The following STK32B variants were observed in gnomAD, a reference collection of about 807,000 sequenced individuals.
The protein encoded by STK32B is serine/threonine kinase 32B.
In STK32B, 43 loss-of-function variants were observed where a neutral mutation model predicts 52.6. That is an observed-to-expected ratio of 0.82 (90% CI 0.64 to 1.05). STK32B has a LOEUF of 1.05. Among genes scored for constraint, STK32B ranks in the 50% least tolerant of loss-of-function variants. The probability of loss-of-function intolerance (pLI) is 0.00; values close to 1 mark genes in which losing one functional copy is unlikely to be tolerated. For synonymous variants in STK32B, 238 were observed against 204.3 expected, an observed-to-expected ratio of 1.17 and a Z score of -1.41; for missense variants, 621 against 534.6, an observed-to-expected ratio of 1.16 and a Z score of -1.59.
intron 3 of STK32B, among the ~76,000 whole-genome samples, chr4:5,195,463 C>T (rs1469966677): frequency 6.6e-6 from 1 of 152,148 alleles, no homozygotes; most frequent in Non-Finnish European, 1.5e-5. Flanking sequence ...GAGGCCAAGG[C>T]AGGCAGATCA....
chr4:5,262,737 C>T (rs1726804392), intron 3 of STK32B, among the ~76,000 whole-genome samples: 1 of 152,040 alleles, frequency 6.6e-6, no homozygotes, highest in Admixed American at 6.6e-5. Context: ...AATGTGATCT[C>T]ATTTTCATAT....
At chr4:5,072,538 C>T (rs1449036911) in intron 1 of STK32B, among the ~76,000 whole-genome samples, 1 of 152,138 alleles carries the variant, frequency 6.6e-6, no homozygotes, top group African/African-American at 2.4e-5. Context: ...CACCAAGACA[C>T]TGAGAAATCT....
intron 6 of STK32B, among the ~76,000 whole-genome samples, chr4:5,440,898 G>C (rs1053830048): frequency 6.6e-6 from 1 of 151,214 alleles, no homozygotes; most frequent in African/African-American, 2.4e-5. Context: ...TTTATATGCT[G>C]GATTACATTT....
chr4:5,311,914 A>ATATATATATTTT (rs143725868), intron 3 of STK32B, among the ~76,000 whole-genome samples: 7 of 145,410 alleles, frequency 4.8e-5, no homozygotes, highest in African/African-American at 1.8e-4. Context: ...ATATATATAT[A>ATATATATATTTT]TTTTTTTTTA....
Position 5,499,105 on chromosome 4 carries a change from A to C in STK32B, c.*22A>C, listed in dbSNP as rs755435274. ...CTGAGCCCACACTTGTTGCTGCTCAACAGGACTGCACTCGTCTCTGCCCTG... is the reference window on the plus strand; with the variant it reads ...CTGAGCCCACACTTGTTGCTGCTCACCAGGACTGCACTCGTCTCTGCCCTG... On this transcript the variant is annotated 3_prime_UTR_variant, in exon 12 of 12. Coordinates refer to ENST00000282908, the MANE Select transcript of STK32B (RefSeq NM_018401.3). 6.3e-7 allele frequency: 1 copy of C among 1,596,440 alleles called. No homozygotes were observed. Among genetic ancestry groups the C allele is most frequent in the Non-Finnish European group, 8.5e-7 (1 of 1,169,812 alleles).
rs370890100 is a variant in STK32B at position 5,400,658 on chromosome 4, C to T, written c.472+2414C>T. On this transcript the variant is annotated intron_variant, in intron 5 of 11. Transcript: ENST00000282908. This position sits in a 1 kb window ranked among gnomAD's most constrained non-coding sequence, Gnocchi z 6.1. ...AAAGAAATTTAGGAGCAGGGAATTC[C>T]GCTCAGAAAAAGAAGAGTCTCCTTT... Among the ~76,000 whole-genome samples, 56 of 152,242 alleles carry T rather than the reference C, an allele frequency of 3.7e-4. No individual in the cohort carries two copies. The highest frequency in any genetic ancestry group is 1.1e-3 in the African/African-American group (45 of 41,542).
chr4:5,375,510 T>C (rs1327908728), intron 4 of STK32B, among the ~76,000 whole-genome samples: 1 of 151,936 alleles, frequency 6.6e-6, no homozygotes, highest in Non-Finnish European at 1.5e-5. Context: ...TTTCTATGAA[T>C]TTTTTTTCAG....
rs59614605 is a variant in STK32B at position 5,358,701 on chromosome 4, GCACACA to G, written c.434+27325_434+27330del. Among the ~76,000 whole-genome samples the G allele has an allele frequency of 1.0e-4, 11 of 106,810 alleles. No homozygotes were observed. The South Asian group carries it at 1.7e-3, about 16-fold the overall frequency. 70.1% of individuals were successfully genotyped at this position (106,810 alleles called of 152,430 possible). On this transcript the variant is annotated intron_variant, in intron 4 of 11. Coordinates refer to ENST00000282908, the MANE Select transcript of STK32B (RefSeq NM_018401.3). Reference sequence around the variant, plus strand: ...CATGCCAGGACACATTCACACACATGCACACACACACACACACACACAGGCACACAA... The same window carrying G: ...CATGCCAGGACACATTCACACACATGCACACACACACACACAGGCACACAA...
At position 5,378,245 on chromosome 4, in the gene STK32B, G is replaced by C. The variant is rs1735705414; in HGVS notation, c.435-19962G>C. 6.6e-6 allele frequency among the ~76,000 whole-genome samples: 1 copy of C among 152,188 alleles called. No individual in the cohort carries two copies. The highest frequency in any genetic ancestry group is 2.4e-5 in the African/African-American group (1 of 41,442). On this transcript the variant is annotated intron_variant, in intron 4 of 11. Transcript: ENST00000282908. This position sits in a 1 kb window ranked among gnomAD's most constrained non-coding sequence, Gnocchi z 4.4. The stretch of plus-strand genomic sequence containing the variant: ...AAGACAGACGTTAGAGGGGAGGGAA[G>C]ACAGGCAAGGAGGGAACTGATGAGC...
intron 3 of STK32B, among the ~76,000 whole-genome samples, chr4:5,317,865 C>G (rs746353648): frequency 6.6e-6 from 1 of 152,006 alleles, no homozygotes; most frequent in Non-Finnish European, 1.5e-5. Flanking sequence ...AAATGTAGAT[C>G]GGCACTTCTC....
intron 11 of STK32B, among the ~76,000 whole-genome samples, chr4:5,472,598 T>C (rs1478942482): frequency 6.6e-6 from 1 of 152,180 alleles, no homozygotes; most frequent in Non-Finnish European, 1.5e-5. Context: ...GTCTTTTCAA[T>C]AGCATTTGAC....
In STK32B at chr4:5,064,438, AAT is replaced by A. The variant is rs1389506129; in HGVS notation, c.52+12529_52+12530del. On this transcript the variant is annotated intron_variant, in intron 1 of 11. Coordinates refer to ENST00000282908, the MANE Select transcript of STK32B (RefSeq NM_018401.3). ...TATAAATATATACTTATATACATAT[AAT>A]ATATAAATATATACTTATATACATA... is the stretch of plus-strand genomic sequence containing the variant. 2.9e-5 allele frequency among the ~76,000 whole-genome samples: 3 copies of A among 104,404 alleles called. 1 individual carries two copies. The Admixed American group carries it at 3.7e-4, about 13-fold the overall frequency. The allele number at this position is 104,404 out of a possible 152,430, so 68.5% of individuals were successfully genotyped here.
intron 1 of STK32B, among the ~76,000 whole-genome samples, chr4:5,092,996 T>C (rs1314013376): frequency 6.6e-6 from 1 of 152,200 alleles, no homozygotes; most frequent in East Asian, 1.9e-4. Context: ...ACACCACATA[T>C]GGTTGATCCT....
At chr4:5,468,779 G>A (rs910500168) in intron 11 of STK32B, among the ~76,000 whole-genome samples, 5 of 152,074 alleles carry the variant, frequency 3.3e-5, no homozygotes, top group Non-Finnish European at 7.4e-5. Context: ...ATATCTAGAG[G>A]AGGCCGGGCG....
chr4:5,397,785 A>G (rs1363891840), intron 4 of STK32B, among the ~76,000 whole-genome samples: 2 of 152,252 alleles, frequency 1.3e-5, no homozygotes, highest in Non-Finnish European at 1.5e-5. Flanking sequence ...ATCTCTGACC[A>G]TGACAACTTC....
chr4:5,098,221 T>A (rs142380640), intron 1 of STK32B, among the ~76,000 whole-genome samples: 1 of 152,240 alleles, frequency 6.6e-6, no homozygotes, highest in African/African-American at 2.4e-5. Context: ...TGGAAAGCAG[T>A]GAAAAGTGTT....
intron 3 of STK32B, among the ~76,000 whole-genome samples, chr4:5,269,036 C>T (rs186677640): frequency 1.3e-3 from 201 of 152,156 alleles, no homozygotes; most frequent in African/African-American, 4.5e-3. Context: ...GCCCAGGGGT[C>T]TCTCTGAGTA....
intron 3 of STK32B, among the ~76,000 whole-genome samples, chr4:5,197,184 G>T (rs1577177998): frequency 6.6e-6 from 1 of 152,216 alleles, no homozygotes; most frequent in Non-Finnish European, 1.5e-5. Context: ...ACTGTGGCTA[G>T]CAAAGAGCTC....
At chr4:5,407,498 C>G (rs1180587545) in intron 5 of STK32B, among the ~76,000 whole-genome samples, 1 of 152,068 alleles carries the variant, frequency 6.6e-6, no homozygotes, top group Non-Finnish European at 1.5e-5. Context: ...AAAGAACTAC[C>G]TGAGACTAGG....
Sources: gnomAD v4.1 joint callset for allele counts (sites outside exome capture counted in the v4.1 genomes callset) on GRCh38, gnomAD v4.1.1 for gene constraint, Gnocchi (gnomAD v3.1) non-coding constraint, MANE v1.5 for transcripts, NCBI Gene and HGNC (gene_info 2026-07-23, HGNC 2026-07-21) for gene names.